Variants in COLGALT2 observed in about 807,000 individuals in gnomAD.
COLGALT2 encodes the protein procollagen galactosyltransferase 2.
Under a neutral mutation model 73.4 loss-of-function variants are expected in COLGALT2, and 49 were observed. The observed-to-expected ratio is 0.67, with a 90% CI of 0.53 to 0.85. The LOEUF is 0.85. COLGALT2 is among the 40% of genes least tolerant of loss of function. COLGALT2 has a pLI of 0.00. For missense variants in COLGALT2, 722 were observed against 790.2 expected (o/e 0.91, Z 1.03); for synonymous variants, 295 against 307.6 (o/e 0.96, Z 0.43).
intron 1 of COLGALT2, among the ~76,000 whole-genome samples, chr1:184,036,073 A>G (rs1649663981): frequency 6.6e-6 from 1 of 152,118 alleles, no homozygotes; most frequent in Non-Finnish European, 1.5e-5. Flanking sequence ...CAAGACAGAA[A>G]TTGCTCCAGA....
chr1:183,959,170 G>T (rs1245432699), intron 6 of COLGALT2, among the ~76,000 whole-genome samples: 1 of 152,070 alleles, frequency 6.6e-6, no homozygotes, highest in East Asian at 1.9e-4. Flanking sequence ...TTTCCTCCTA[G>T]CTCTCTGGCT....
At chr1:183,931,134 T>G (rs1669836673), downstream of COLGALT2, among the ~76,000 whole-genome samples, 1 of 152,138 alleles carries the variant, frequency 6.6e-6, no homozygotes, top group Non-Finnish European at 1.5e-5. Flanking sequence ...TTGCCCAAGT[T>G]TTAGGGACAG....
At chr1:183,930,910 TTTAA>T (rs528854236), downstream of COLGALT2, among the ~76,000 whole-genome samples, 96 of 152,242 alleles carry the variant, frequency 6.3e-4, no homozygotes, top group African/African-American at 2.1e-3. Context: ...GCCAGGCAAA[TTTAA>T]TTATTTTAGA....
intron 1 of COLGALT2, among the ~76,000 whole-genome samples, chr1:183,987,316 A>G (rs1671515661): frequency 1.3e-5 from 2 of 152,036 alleles, no homozygotes; most frequent in Admixed American, 1.3e-4. Context: ...GGATTTTCCA[A>G]TTCTGTTAAG....
intron 5 of COLGALT2, among the ~76,000 whole-genome samples, 157 bp downstream of exon 5, chr1:183,969,112 C>G (rs1670961759): frequency 6.6e-6 from 1 of 151,772 alleles, no homozygotes; most frequent in African/African-American, 2.4e-5. Context: ...CCAGGGACAG[C>G]AACATAGAGG....
intron 1 of COLGALT2, among the ~76,000 whole-genome samples, chr1:184,024,639 C>T (rs1480872541): frequency 6.7e-6 from 1 of 150,064 alleles, no homozygotes; most frequent in African/African-American, 2.5e-5. Flanking sequence ...GCGTGAGCCA[C>T]CACACCCAGC....
At chr1:184,003,471 G>T (rs978795486) in intron 1 of COLGALT2, among the ~76,000 whole-genome samples, 2 of 152,178 alleles carry the variant, frequency 1.3e-5, no homozygotes, top group African/African-American at 4.8e-5. Flanking sequence ...AATCCGTCCA[G>T]TCCAGGGACC....
chr1:183,947,306 T>A (rs759960853), intron 8 of COLGALT2, among the ~76,000 whole-genome samples: 11 of 152,168 alleles, frequency 7.2e-5, no homozygotes, highest in Non-Finnish European at 1.6e-4. Flanking sequence ...CTTTCAAGTG[T>A]GCATAGAACA....
At chr1:183,984,279 C>T (rs1671428974) in intron 1 of COLGALT2, among the ~76,000 whole-genome samples, 1 of 152,188 alleles carries the variant, frequency 6.6e-6, no homozygotes, top group Admixed American at 6.5e-5. Flanking sequence ...GTGGTGTGTG[C>T]CTGTAGTCCC....
At chr1:183,954,723 A>G (rs777860348) in intron 7 of COLGALT2, 39 bp downstream of exon 7, 7 of 1,476,010 alleles carry the variant, frequency 4.7e-6, no homozygotes, top group Non-Finnish European at 5.7e-6. Flanking sequence ...AAGCCTGCAC[A>G]CGCGTGCATG....
intron 2 of COLGALT2, among the ~76,000 whole-genome samples, chr1:183,977,495 T>C (rs1572651977): frequency 6.7e-6 from 1 of 149,364 alleles, no homozygotes; most frequent in African/African-American, 2.5e-5. Flanking sequence ...AGAAAGAAAT[T>C]GTTATGGTAA....
At chr1:184,034,985 A>G (rs2102865281) in intron 1 of COLGALT2, among the ~76,000 whole-genome samples, 1 of 152,372 alleles carries the variant, frequency 6.6e-6, no homozygotes, top group Admixed American at 6.5e-5. Flanking sequence ...AGAATTACAC[A>G]ATGTTTTAAA....
At chr1:183,974,675 C>A (rs3010044) in intron 3 of COLGALT2, among the ~76,000 whole-genome samples, 95,331 of 152,118 alleles carry the variant, frequency 0.63, 31,967 homozygotes, top group Non-Finnish European at 0.76. Context: ...CTCCCCAGAT[C>A]ATTCAGGAGC....
chr1:183,953,646 T>A (rs1487964816), intron 7 of COLGALT2, among the ~76,000 whole-genome samples: 1 of 152,168 alleles, frequency 6.6e-6, no homozygotes, highest in Non-Finnish European at 1.5e-5. Flanking sequence ...TGATCATTTT[T>A]AAAAACTATT....
chr1:183,982,115 C>T (rs1316813001), intron 1 of COLGALT2, among the ~76,000 whole-genome samples: 2 of 152,254 alleles, frequency 1.3e-5, no homozygotes, highest in South Asian at 2.1e-4. Context: ...CTTCTCTTCT[C>T]GGCAAGGTCT....
At chr1:183,975,389 G>A (rs951636747) in intron 2 of COLGALT2, among the ~76,000 whole-genome samples, 175 bp from the exon 3 acceptor site, 1 of 152,178 alleles carries the variant, frequency 6.6e-6, no homozygotes, top group Non-Finnish European at 1.5e-5. Flanking sequence ...GAGAAGTCAA[G>A]TAACTCACTG....
In COLGALT2 at chr1:183,936,753, T is replaced by G. The variant is rs1283318221; in HGVS notation, c.*2008A>C. The G allele has an allele frequency of 4.9e-6, 6 of 1,230,718 alleles. No individual in the cohort carries two copies. Among genetic ancestry groups the G allele is most frequent in the Non-Finnish European group, 6.1e-6 (6 of 987,820 alleles). The allele number at this position is 1,230,718 out of a possible 1,614,324, so 76.2% of individuals were successfully genotyped here. A position where few individuals can be genotyped will look rare whatever the true frequency, so the allele number is the denominator to read the frequency against. On this transcript the variant is annotated 3_prime_UTR_variant, in exon 12 of 12. Coordinates refer to ENST00000361927, the MANE Select transcript of COLGALT2 (RefSeq NM_015101.4). ...CTCTTTCTGTTTTTCTGGGGGTGGGTGGGAAAGGAAGTCACACTGACAGCT... is the reference window on the plus strand; with the variant it reads ...CTCTTTCTGTTTTTCTGGGGGTGGGGGGGAAAGGAAGTCACACTGACAGCT...
intron 1 of COLGALT2, among the ~76,000 whole-genome samples, chr1:184,012,315 T>A (rs1237797623): frequency 6.6e-6 from 1 of 152,218 alleles, no homozygotes; most frequent in Non-Finnish European, 1.5e-5. Context: ...TATTCAGAGA[T>A]TTTGATAGTC....
chr1:184,012,194 AT>A (rs1260089026), intron 1 of COLGALT2, among the ~76,000 whole-genome samples: 2 of 152,194 alleles, frequency 1.3e-5, no homozygotes, highest in Non-Finnish European at 2.9e-5. Flanking sequence ...AGTAAAAATG[AT>A]TTTTCAAATC....
Sources: allele counts gnomAD v4.1 joint callset (sites outside exome capture counted in the v4.1 genomes callset), GRCh38; gene constraint gnomAD v4.1.1; transcripts MANE v1.5; gene names NCBI Gene and HGNC (gene_info 2026-07-23, HGNC 2026-07-21).